CNST: variants seen among roughly 807,000 people sequenced by gnomAD.
CNST encodes the protein consortin, connexin sorting protein.
Under a neutral mutation model 72.4 loss-of-function variants are expected in CNST, and 39 were observed. That is an observed-to-expected ratio of 0.54 (90% CI 0.42 to 0.70). The LOEUF is 0.70. Ranked by LOEUF, CNST falls within the 30% of genes least tolerant of loss-of-function variation. The pLI is 0.00. For synonymous variants in CNST, 332 were observed against 320.1 expected, an observed-to-expected ratio of 1.04 and a Z score of -0.40; for missense variants, 871 against 868.5, an observed-to-expected ratio of 1.00 and a Z score of -0.04.
At chr1:246,586,615 T>C (rs1661217361) in intron 1 of CNST, among the ~76,000 whole-genome samples, 1 of 151,850 alleles carries the variant, frequency 6.6e-6, no homozygotes, top group African/African-American at 2.4e-5. Context: ...TGGTAAAAAT[T>C]TTTCTAAATG....
intron 2 of CNST, among the ~76,000 whole-genome samples, chr1:246,615,471 G>A (rs373308967): frequency 6.8e-4 from 103 of 151,368 alleles, no homozygotes; most frequent in Middle Eastern, 3.4e-3. Context: ...CACTGTGCCC[G>A]GCCACAAATA....
At chr1:246,604,102 C>T (rs780346660) in intron 2 of CNST, among the ~76,000 whole-genome samples, 21 of 152,020 alleles carry the variant, frequency 1.4e-4, no homozygotes, top group Admixed American at 2.6e-4. Context: ...GGTGGTGGCG[C>T]GTGCCTGTAC....
At chr1:246,604,711 C>T (rs891819015) in intron 2 of CNST, among the ~76,000 whole-genome samples, 2 of 152,124 alleles carry the variant, frequency 1.3e-5, no homozygotes, top group African/African-American at 4.8e-5. Context: ...CTGTATTGCT[C>T]ATGCTGGAGT....
intron 6 of CNST, 141 bp downstream of exon 6, chr1:246,634,728 G>C (rs1185297916): frequency 1.6e-6 from 1 of 610,012 alleles, no homozygotes; most frequent in Admixed American, 3.4e-5. Context: ...CAAGGCTCTA[G>C]TATTGGTTCG....
chr1:246,616,961 A>G (rs754165256), intron 2 of CNST, among the ~76,000 whole-genome samples: 4 of 152,106 alleles, frequency 2.6e-5, no homozygotes, highest in Non-Finnish European at 5.9e-5. Context: ...TCCGTGTTAC[A>G]TCATGAATGC....
At chr1:246,578,028 T>G (rs1478853956) in intron 1 of CNST, among the ~76,000 whole-genome samples, 1 of 152,096 alleles carries the variant, frequency 6.6e-6, no homozygotes, top group African/African-American at 2.4e-5. Flanking sequence ...ACCATTTTTT[T>G]CTACATCTGT....
At chr1:246,665,650 A>G in intron 10 of CNST, 50 bp from the exon 11 acceptor site, 1 of 1,479,334 alleles carries the variant, frequency 6.8e-7, no homozygotes, top group Non-Finnish European at 9.4e-7. Flanking sequence ...GCAGATGCTA[A>G]GATTTCCATT....
At chr1:246,620,768 A>G (rs60576698) in intron 2 of CNST, among the ~76,000 whole-genome samples, 3,182 of 145,022 alleles carry the variant, frequency 0.022, 127 homozygotes, top group African/African-American at 0.078. Context: ...TCAGTCATGC[A>G]TACACACGAT....
At chr1:246,584,741 A>G (rs977603194) in intron 1 of CNST, among the ~76,000 whole-genome samples, 3 of 152,120 alleles carry the variant, frequency 2.0e-5, no homozygotes, top group African/African-American at 7.2e-5. Context: ...AGTTTCCCAC[A>G]CTGGCTATTT....
intron 8 of CNST, among the ~76,000 whole-genome samples, chr1:246,644,388 CAAAAAAAAAA>C (rs58278885): frequency 2.0e-5 from 2 of 102,148 alleles, no homozygotes; most frequent in South Asian, 3.5e-4. Flanking sequence ...ACTCTGTCTC[CAAAAAAAAAA>C]AAAAAAAAAA....
In CNST at chr1:246,638,933, G is replaced by A. The variant is rs189258127; in HGVS notation, c.819-2816G>A. On this transcript the variant is annotated intron_variant, in intron 6 of 10. Transcript: ENST00000366513. ...AATAGAGCATACAGTTGAAGGAGCC[G>A]TGGGGCAGACATGAGACTTAGTACA... Among the ~76,000 whole-genome samples the A allele has an allele frequency of 3.8e-4, 58 of 152,286 alleles. 2 individuals carry two copies. The highest frequency in any genetic ancestry group is 1.2e-3 in the African/African-American group (48 of 41,558).
intron 9 of CNST, among the ~76,000 whole-genome samples, chr1:246,654,326 T>C (rs1459755133): frequency 6.6e-6 from 1 of 152,214 alleles, no homozygotes; most frequent in African/African-American, 2.4e-5. Flanking sequence ...TACCTATCTC[T>C]TCCCAGCCCT....
chr1:246,586,109 A>ATG (rs371447612), intron 1 of CNST, among the ~76,000 whole-genome samples: 17,480 of 121,694 alleles, frequency 0.14, 1,381 homozygotes, highest in Non-Finnish European at 0.19. Flanking sequence ...ATATATATAT[A>ATG]TATGTGTGTG....
At position 246,647,263 on chromosome 1, in the gene CNST, T is replaced by G. The variant is rs1156761841; in HGVS notation, c.1062T>G (p.Thr354=). ...VQTDSPSLSV[T]AGKDHMEELL... ...CAGATTCCCCAAGCCTTTCGGTAAC[T>G]GCAGGAAAGGACCACATGGAGGAGC... Residue 354 remains threonine, a synonymous_variant, in exon 9 of 11, where the codon ACT becomes ACG. Coordinates refer to ENST00000366513, the MANE Select transcript of CNST (RefSeq NM_152609.3). 1.2e-6 allele frequency: 2 copies of G among 1,614,150 alleles called. No homozygotes were observed. Among genetic ancestry groups the G allele is most frequent in the East Asian group, 4.5e-5 (2 of 44,882 alleles).
At chr1:246,633,424 C>G (rs3124082) in intron 4 of CNST, among the ~76,000 whole-genome samples, 138,413 of 150,304 alleles carry the variant, frequency 0.92, 63,720 homozygotes, top group African/African-American at 0.95. Context: ...ACTCCAGCCT[C>G]GGTGACAGAG....
intron 1 of CNST, among the ~76,000 whole-genome samples, chr1:246,571,955 C>G (rs1660095394): frequency 6.6e-6 from 1 of 152,218 alleles, no homozygotes; most frequent in Non-Finnish European, 1.5e-5. Context: ...TGGAGAGCCA[C>G]TACCTGATTA....
At chr1:246,608,131 G>GA (rs1558553467) in intron 2 of CNST, 1 of 151,626 alleles carries the variant, frequency 6.6e-6, no homozygotes, top group Non-Finnish European at 1.5e-5. Context: ...AACCAGCCTG[G>GA]AAAACATAGA....
At chr1:246,576,257 A>G (rs12754408) in intron 1 of CNST, among the ~76,000 whole-genome samples, 1 of 104,324 alleles carries the variant, frequency 9.6e-6, no homozygotes, top group African/African-American at 3.4e-5. Context: ...AAAAAAAGAA[A>G]CAAAGATTTC....
At chr1:246,642,075 ATACCTGCCTCT>A in intron 8 of CNST, 38 bp downstream of exon 8, 1 of 1,128,424 alleles carries the variant, frequency 8.9e-7, no homozygotes, top group Non-Finnish European at 1.3e-6. Flanking sequence ...AACGTAAAAG[ATACCTGCCTCT>A]TCTGATCTTT....
Sources: gnomAD v4.1 joint callset for allele counts (sites outside exome capture counted in the v4.1 genomes callset) on GRCh38, gnomAD v4.1.1 for gene constraint, MANE v1.5 for transcripts, NCBI Gene and HGNC (gene_info 2026-07-23, HGNC 2026-07-21) for gene names.